Variants in XXYLT1 observed in about 807,000 individuals in gnomAD.
XXYLT1 encodes the protein UDP-xylose:alpha-xyloside alpha-1,3-xylosyltransferase.
Under a neutral mutation model 28.9 loss-of-function variants are expected in XXYLT1, and 20 were observed. The observed-to-expected ratio is 0.69, with a 90% confidence interval of 0.49 to 1.00. XXYLT1 has a LOEUF of 1.00. XXYLT1 is among the 50% of genes least tolerant of loss of function. The probability of loss-of-function intolerance (pLI) is 0.00; values close to 1 mark genes in which losing one functional copy is unlikely to be tolerated. For missense variants in XXYLT1, 542 were observed against 560.1 expected, an observed-to-expected ratio of 0.97 and a Z score of 0.33; for synonymous variants, 257 against 253.8, an observed-to-expected ratio of 1.01 and a Z score of -0.12.
chr3:195,087,829 C>T (rs1178772503), intron 3 of XXYLT1, among the ~76,000 whole-genome samples: 3 of 152,088 alleles, frequency 2.0e-5, no homozygotes, highest in East Asian at 1.9e-4. Context: ...GTGCGCGCAC[C>T]GTGCGCGAGC....
At position 195,137,024 on chromosome 3, in the gene XXYLT1, AGG is replaced by A. The variant is rs1719235089; in HGVS notation, c.785+19423_785+19424del. Among the ~76,000 whole-genome samples the A allele has an allele frequency of 2.6e-5, 4 of 152,204 alleles. No individual in the cohort carries two copies. In the South Asian group the frequency reaches 8.3e-4, roughly 32 times the overall value. ...TTACACTGCAACTCGTTCGAGTCCT[AGG>A]AGGCTGTCCACAAGCTTAGGCTTAG... is the stretch of plus-strand genomic sequence containing the variant. On this transcript the variant is annotated intron_variant, in intron 3 of 3. Transcript: ENST00000310380.
intron 2 of XXYLT1, among the ~76,000 whole-genome samples, chr3:195,165,869 T>G (rs930654039): frequency 2.6e-5 from 4 of 152,324 alleles, no homozygotes; most frequent in African/African-American, 9.6e-5. Context: ...TCTCAGGTAC[T>G]GGACTACACA....
intron 1 of XXYLT1, among the ~76,000 whole-genome samples, chr3:195,252,329 T>TA (rs936976673): frequency 1.3e-5 from 2 of 152,150 alleles, no homozygotes; most frequent in African/African-American, 4.8e-5. Context: ...TTTATTTCCT[T>TA]AAAAAAAGAA....
chr3:195,090,814 A>C (rs1331175636), intron 3 of XXYLT1, among the ~76,000 whole-genome samples: 2 of 151,084 alleles, frequency 1.3e-5, no homozygotes, highest in Non-Finnish European at 2.9e-5. Flanking sequence ...AGAAGAATCA[A>C]ATAGACGCAA....
In XXYLT1 at chr3:195,271,121, G is replaced by GCCGGCGGCCACTTAGCC. The variant is rs1726015460; in HGVS notation, c.-80_-64dup. The GCCGGCGGCCACTTAGCC allele has an allele frequency of 1.6e-6, 2 of 1,275,374 alleles. No homozygotes were observed. Among genetic ancestry groups the GCCGGCGGCCACTTAGCC allele is most frequent in the Admixed American group, 4.3e-5 (1 of 23,386 alleles). 79.0% of individuals were successfully genotyped at this position (1,275,374 alleles called of 1,614,324 possible). On this transcript the variant is annotated 5_prime_UTR_variant, in exon 1 of 4. Transcript: ENST00000310380. ...CGGGAGAGCCCTCGGGTACCCGGAC[G>GCCGGCGGCCACTTAGCC]CCGGCGGCCACTTAGCCCCGGCGCC...
intron 3 of XXYLT1, among the ~76,000 whole-genome samples, chr3:195,074,851 C>G (rs957687079): frequency 2.6e-5 from 4 of 152,196 alleles, no homozygotes; most frequent in Admixed American, 1.3e-4. Flanking sequence ...ACCCGTGTCC[C>G]TAGAGCAGTC....
At chr3:195,252,408 CT>C (rs942504238) in intron 1 of XXYLT1, among the ~76,000 whole-genome samples, 12 of 152,012 alleles carry the variant, frequency 7.9e-5, no homozygotes, top group African/African-American at 2.7e-4. Context: ...ATATCTGTTA[CT>C]TTTTTTGTTT....
intron 2 of XXYLT1, among the ~76,000 whole-genome samples, chr3:195,220,027 G>A (rs752254838): frequency 3.9e-5 from 6 of 152,176 alleles, no homozygotes; most frequent in Non-Finnish European, 8.8e-5. Flanking sequence ...TGGGGCTGAT[G>A]GTGGCAATAA....
At chr3:195,217,818 A>G (rs1171148555) in intron 2 of XXYLT1, among the ~76,000 whole-genome samples, 14 of 147,684 alleles carry the variant, frequency 9.5e-5, no homozygotes, top group Non-Finnish European at 1.3e-4. Flanking sequence ...AACTACTTTA[A>G]AGTTCATATG....
intron 3 of XXYLT1, among the ~76,000 whole-genome samples, chr3:195,072,999 C>T (rs1401937246): frequency 5.3e-5 from 8 of 152,182 alleles, no homozygotes; most frequent in Admixed American, 4.6e-4. Context: ...AACAGCACAG[C>T]GTGGGTCACG....
intron 3 of XXYLT1, among the ~76,000 whole-genome samples, chr3:195,080,574 G>C (rs1156243866): frequency 6.6e-6 from 1 of 152,156 alleles, no homozygotes; most frequent in Non-Finnish European, 1.5e-5. Context: ...GGGTTTGTCA[G>C]AGTGAAGACA....
rs558379943 is a variant in XXYLT1 at position 195,172,234 on chromosome 3, C to G, written c.653-15653G>C. Among the ~76,000 whole-genome samples the G allele has an allele frequency of 5.3e-5, 8 of 152,314 alleles. No homozygotes were observed. In the East Asian group the frequency reaches 1.3e-3, roughly 26 times the overall value. On this transcript the variant is annotated intron_variant, in intron 2 of 3. Coordinates refer to ENST00000310380, the MANE Select transcript of XXYLT1 (RefSeq NM_152531.5). ...TGCTTTTCAAAAGAAAAACCTGGAA[C>G]TGCACCAAGGTTTCCTCCTGCACCT... is the stretch of plus-strand genomic sequence containing the variant.
chr3:195,179,164 AC>A (rs1212936750), intron 2 of XXYLT1, among the ~76,000 whole-genome samples: 11 of 151,634 alleles, frequency 7.3e-5, no homozygotes, highest in Non-Finnish European at 5.9e-5. Context: ...ATATGGTGAA[AC>A]CCCGTCTCTA....
Position 195,226,732 on chromosome 3 carries a change from G to A in XXYLT1, c.629C>T (p.Ala210Val). 1 of 1,613,748 alleles carries A rather than the reference G, an allele frequency of 6.2e-7. No individual in the cohort carries two copies. Among genetic ancestry groups the A allele is most frequent in the Non-Finnish European group, 8.5e-7 (1 of 1,179,936 alleles). The change falls in exon 2 of 4, where the codon GCC becomes GTC. Residue 210 changes from alanine to valine, a missense_variant. Ala to Val is a moderately conservative substitution (Grantham distance 64, BLOSUM62 0). Transcript: ENST00000310380. ...YSDSIFFLSV[A>V]MHQIMPKEIL... ...ACCTTTGGGCATGATCTGATGCATG[G>A]CGACCGAGAGGAAGAAGATGGAGTC...
intron 1 of XXYLT1, among the ~76,000 whole-genome samples, chr3:195,238,156 C>A (rs919977031): frequency 3.3e-5 from 5 of 152,206 alleles, no homozygotes; most frequent in Non-Finnish European, 1.5e-5. Flanking sequence ...CCCGACCTCC[C>A]CGCCTCGTGT....
chr3:195,187,987 T>C (rs990045779), intron 2 of XXYLT1, among the ~76,000 whole-genome samples: 1 of 152,194 alleles, frequency 6.6e-6, no homozygotes, highest in African/African-American at 2.4e-5. Context: ...CACTGTGATA[T>C]GAAATCCATC....
intron 1 of XXYLT1, among the ~76,000 whole-genome samples, chr3:195,249,590 G>C (rs143807289): frequency 6.6e-6 from 1 of 152,222 alleles, no homozygotes; most frequent in Non-Finnish European, 1.5e-5. Flanking sequence ...TCCCTGCCCA[G>C]GGTGACTAGG....
Position 195,150,841 on chromosome 3 carries a change from CT to C in XXYLT1, c.785+5607del, listed in dbSNP as rs879789364. Among the ~76,000 whole-genome samples the C allele has an allele frequency of 0.047, 6,597 of 140,788 alleles. 236 individuals carry two copies. Among genetic ancestry groups the C allele is most frequent in the East Asian group, 0.2 (777 of 3,858 alleles). The allele number at this position is 140,788 out of a possible 152,430, so 92.4% of individuals were successfully genotyped here. ...ACACACACTCACACATACGCACACT[CT>C]CTCACACACTCTCACACACACACAC... On this transcript the variant is annotated intron_variant, in intron 3 of 3. Transcript: ENST00000310380. This position sits in a 1 kb window ranked among gnomAD's most constrained non-coding sequence, Gnocchi z 4.7.
chr3:195,180,514 C>T lies in XXYLT1; in HGVS notation c.653-23933G>A. On this transcript the variant is annotated intron_variant, in intron 2 of 3. Transcript: ENST00000310380. The surrounding 1 kb of genome is among the most constrained non-coding windows in gnomAD (Gnocchi z 5.8). ...TATGCTCCTCTTCCTGGCTCTGTAGCCCTTGAAAAGAAGCAAACAAACAGA... is the reference window on the plus strand; with the variant it reads ...TATGCTCCTCTTCCTGGCTCTGTAGTCCTTGAAAAGAAGCAAACAAACAGA... 1 of 985,510 alleles carries T rather than the reference C, an allele frequency of 1.0e-6. No individual in the cohort carries two copies. The highest frequency in any genetic ancestry group is 1.7e-5 in the African/African-American group (1 of 57,352). The allele number at this position is 985,510 out of a possible 1,614,324, so 61.0% of individuals were successfully genotyped here.
Sources: gnomAD v4.1 joint callset for allele counts (sites outside exome capture counted in the v4.1 genomes callset) on GRCh38, gnomAD v4.1.1 for gene constraint, Gnocchi (gnomAD v3.1) non-coding constraint, MANE v1.5 for transcripts, NCBI Gene and HGNC (gene_info 2026-07-23, HGNC 2026-07-21) for gene names.